Variants in PAX5 observed in about 807,000 individuals in gnomAD.
The protein encoded by PAX5 is paired box protein Pax-5.
PAX5 carries 9 observed loss-of-function variants against 43.7 expected under a neutral mutation model. The ratio of observed to expected loss-of-function variants is 0.21; its 90% CI spans 0.12 to 0.36. The LOEUF is 0.36. Among genes scored for constraint, PAX5 ranks in the 10% least tolerant of loss-of-function variants. The pLI is 1.00. For synonymous variants in PAX5, 228 were observed against 214.3 expected (o/e 1.06, Z -0.56); for missense variants, 383 against 532.7 (o/e 0.72, Z 2.77).
At chr9:36,864,422 GACA>G (rs1373891400) in intron 8 of PAX5, 27 of 152,896 alleles carry the variant, frequency 1.8e-4, no homozygotes, top group Admixed American at 1.6e-3. Context: ...AGGACTGGAA[GACA>G]ACGAGTGGGG....
intron 5 of PAX5, among the ~76,000 whole-genome samples, chr9:36,985,193 G>A (rs1374549037): frequency 6.6e-6 from 1 of 152,144 alleles, no homozygotes; most frequent in Non-Finnish European, 1.5e-5. Context: ...GTGGCACCAG[G>A]GATCTCTGAG....
chr9:36,878,436 G>A (rs575408447), intron 8 of PAX5, among the ~76,000 whole-genome samples: 20 of 151,674 alleles, frequency 1.3e-4, no homozygotes, highest in East Asian at 3.9e-4. Flanking sequence ...TTCCCCCAGA[G>A]GGGGGGCCAT....
At chr9:36,985,571 G>T (rs574119566) in intron 5 of PAX5, among the ~76,000 whole-genome samples, 1 of 152,200 alleles carries the variant, frequency 6.6e-6, no homozygotes, top group African/African-American at 2.4e-5. Flanking sequence ...AGGTCCGAAG[G>T]GGGAGGCAGG....
At chr9:36,881,662 G>A (rs991423558) in intron 8 of PAX5, among the ~76,000 whole-genome samples, 1 of 151,922 alleles carries the variant, frequency 6.6e-6, no homozygotes, top group Non-Finnish European at 1.5e-5. Flanking sequence ...GGCGGGGGCC[G>A]GGAGGGAGGG....
intron 7 of PAX5, among the ~76,000 whole-genome samples, chr9:36,915,833 A>G (rs1563963140): frequency 6.6e-6 from 1 of 152,152 alleles, no homozygotes; most frequent in Non-Finnish European, 1.5e-5. Context: ...GCACTTTGGG[A>G]GGCCAAGGTG....
intron 8 of PAX5, among the ~76,000 whole-genome samples, chr9:36,862,300 G>A (rs796905688): frequency 1.2e-4 from 18 of 152,260 alleles, no homozygotes; most frequent in Middle Eastern, 3.4e-3. Flanking sequence ...CAGGAATGCA[G>A]GAGGACGATG....
intron 5 of PAX5, among the ~76,000 whole-genome samples, chr9:36,995,463 CA>C (rs1371838485): frequency 6.6e-6 from 1 of 152,116 alleles, no homozygotes; most frequent in African/African-American, 2.4e-5. Flanking sequence ...GAACTGAGGT[CA>C]GTGCGGGGGG....
intron 7 of PAX5, among the ~76,000 whole-genome samples, chr9:36,904,734 GA>G (rs1828680295): frequency 6.6e-6 from 1 of 152,188 alleles, no homozygotes; most frequent in Non-Finnish European, 1.5e-5. Context: ...GTGAGTGTGT[GA>G]ATCATGTCAA....
intron 2 of PAX5, among the ~76,000 whole-genome samples, chr9:37,017,874 G>A (rs959767350): frequency 6.6e-6 from 1 of 152,240 alleles, no homozygotes; most frequent in Non-Finnish European, 1.5e-5. Context: ...ACTCGAAACT[G>A]TGTCAAATGA....
At chr9:37,010,063 A>T (rs1838796527) in intron 3 of PAX5, among the ~76,000 whole-genome samples, 1 of 152,220 alleles carries the variant, frequency 6.6e-6, no homozygotes, top group Non-Finnish European at 1.5e-5. Context: ...CTGAGAAGAA[A>T]CTGTAGTGGG....
In PAX5 at chr9:36,898,718, G is replaced by A. The variant is rs531826891; in HGVS notation, c.911-16613C>T. 6.7e-4 allele frequency among the ~76,000 whole-genome samples: 102 copies of A among 152,302 alleles called. 2 individuals carry two copies. Among genetic ancestry groups the A allele is most frequent in the African/African-American group, 2.1e-3 (87 of 41,566 alleles). ...CGAACACCAGCAGGAGGCACCCGGC[G>A]TCTTGATTGCAGCTCCCGGCTCTCC... is the stretch of plus-strand genomic sequence containing the variant. On this transcript the variant is annotated intron_variant, in intron 7 of 9. Coordinates refer to ENST00000358127, the MANE Select transcript of PAX5 (RefSeq NM_016734.3).
At chr9:36,847,990 A>T (rs1822753021) in intron 8 of PAX5, among the ~76,000 whole-genome samples, 1 of 152,192 alleles carries the variant, frequency 6.6e-6, no homozygotes, top group Non-Finnish European at 1.5e-5. Flanking sequence ...TATTCAGTAG[A>T]GGCCCTGGAA....
At chr9:37,020,185 C>A (rs1839736614) in intron 2 of PAX5, among the ~76,000 whole-genome samples, 1 of 151,762 alleles carries the variant, frequency 6.6e-6, no homozygotes, top group Non-Finnish European at 1.5e-5. Context: ...AAGGAAAATA[C>A]TGCAGCCCAA....
At chr9:36,896,551 C>T (rs1398641136) in intron 7 of PAX5, among the ~76,000 whole-genome samples, 1 of 152,134 alleles carries the variant, frequency 6.6e-6, no homozygotes, top group East Asian at 1.9e-4. Flanking sequence ...GTGCTGCAGG[C>T]TACCAAAGTG....
At chr9:36,991,727 A>C (rs879877549) in intron 5 of PAX5, among the ~76,000 whole-genome samples, 1 of 152,146 alleles carries the variant, frequency 6.6e-6, no homozygotes, top group Non-Finnish European at 1.5e-5. Flanking sequence ...AACCCTGGAC[A>C]GCAACTAAGC....
intron 6 of PAX5, 135 bp downstream of exon 6, chr9:36,966,414 G>T: frequency 1.1e-6 from 1 of 918,052 alleles, no homozygotes; most frequent in Non-Finnish European, 1.6e-6. Context: ...GTTTGGCCAA[G>T]AACACTGAAG....
rs1395336740 is a variant in PAX5 at position 36,840,431 on chromosome 9, G to C, written c.*129C>G. 3 of 873,244 alleles carry C rather than the reference G, an allele frequency of 3.4e-6. No individual in the cohort carries two copies. The highest frequency in any genetic ancestry group is 5.5e-6 in the Non-Finnish European group (3 of 541,310). 54.1% of individuals were successfully genotyped at this position (873,244 alleles called of 1,614,324 possible). A position where few individuals can be genotyped will look rare whatever the true frequency, so the allele number is the denominator to read the frequency against. On this transcript the variant is annotated 3_prime_UTR_variant, in exon 10 of 10. Transcript: ENST00000358127. ...AGTCCCTGGAGGAAGAGAGGAAGAG[G>C]GGAGCTTCAGGCAAGTGGGGGATGC...
intron 6 of PAX5, among the ~76,000 whole-genome samples, chr9:36,948,857 A>G (rs1832768729): frequency 6.7e-6 from 1 of 149,760 alleles, no homozygotes. Flanking sequence ...AGCCCTACCC[A>G]CCTGAGCTTT....
chr9:36,863,973 G>A (rs1047898655), intron 8 of PAX5, among the ~76,000 whole-genome samples: 10 of 152,314 alleles, frequency 6.6e-5, no homozygotes, highest in Admixed American at 2.6e-4. Flanking sequence ...GCTGGGCATG[G>A]TGGCATGTGC....
Sources: gnomAD v4.1 joint callset for allele counts (sites outside exome capture counted in the v4.1 genomes callset) on GRCh38, gnomAD v4.1.1 for gene constraint, MANE v1.5 for transcripts, NCBI Gene and HGNC (gene_info 2026-07-23, HGNC 2026-07-21) for gene names.